The following MACROD1 variants were observed in gnomAD, a reference collection of about 807,000 sequenced individuals.
MACROD1 encodes the protein mono-ADP ribosylhydrolase 1.
Under a neutral mutation model 41.4 loss-of-function variants are expected in MACROD1, and 31 were observed. The observed-to-expected ratio is 0.75, with a 90% confidence interval of 0.56 to 1.01. The LOEUF is 1.01. Among genes scored for constraint, MACROD1 ranks in the 50% least tolerant of loss-of-function variants. MACROD1 has a pLI of 0.00. For missense variants in MACROD1, 473 were observed against 460.0 expected (o/e 1.03, Z -0.26); for synonymous variants, 252 against 203.4 (o/e 1.24, Z -2.03).
intron 3 of MACROD1, among the ~76,000 whole-genome samples, chr11:64,111,465 G>A (rs944529345): frequency 6.6e-6 from 1 of 152,212 alleles, no homozygotes; most frequent in African/African-American, 2.4e-5. Context: ...GTGGCTTGAG[G>A]CAGGACCTCC....
At chr11:64,023,727 C>T (rs900219572) in intron 3 of MACROD1, among the ~76,000 whole-genome samples, 1 of 152,158 alleles carries the variant, frequency 6.6e-6, no homozygotes, top group Non-Finnish European at 1.5e-5. Context: ...TCCCCTGTAC[C>T]TCAGAGCGGC....
intron 3 of MACROD1, among the ~76,000 whole-genome samples, chr11:64,115,023 C>T (rs35927325): frequency 0.11 from 17,023 of 152,148 alleles, 1,524 homozygotes; most frequent in East Asian, 0.48. Flanking sequence ...TCCCTGCTGG[C>T]TCAGTGAGCA....
chr11:64,068,516 T>C (rs1944046659), intron 3 of MACROD1, among the ~76,000 whole-genome samples: 1 of 152,222 alleles, frequency 6.6e-6, no homozygotes. Flanking sequence ...AGGATAACGA[T>C]GGTTGTCTCC....
In MACROD1 at chr11:64,151,345, C is replaced by T; in HGVS notation, c.411G>A (p.Val137=). Residue 137 remains valine, a synonymous_variant, in exon 3 of 11, where the codon GTG becomes GTA. Coordinates refer to ENST00000255681, the MANE Select transcript of MACROD1 (RefSeq NM_014067.4). ...TWKEMAKGVA[V]KVEEPRYKKD... is the part of the protein sequence containing the mutation. ...TTTTATACCTGGGCTCCTCCACCTTCACAGCCACCCCTGGAACAAGTAGGG... is the reference window on the plus strand; with the variant it reads ...TTTTATACCTGGGCTCCTCCACCTTTACAGCCACCCCTGGAACAAGTAGGG... 1.2e-6 allele frequency: 2 copies of T among 1,613,154 alleles called. No individual in the cohort carries two copies. The highest frequency in any genetic ancestry group is 1.1e-5 in the South Asian group (1 of 91,080).
Position 64,069,217 on chromosome 11 carries a change from G to A in MACROD1, c.518-53936C>T, listed in dbSNP as rs548669752. Among the ~76,000 whole-genome samples the A allele has an allele frequency of 3.9e-5, 6 of 152,346 alleles. No individual in the cohort carries two copies. In the South Asian group the frequency reaches 6.2e-4, roughly 16 times the overall value. On this transcript the variant is annotated intron_variant, in intron 3 of 10. Coordinates refer to ENST00000255681, the MANE Select transcript of MACROD1 (RefSeq NM_014067.4). ...GGCCACTGCGCGCGGCCGGGGGCCC[G>A]AGGTGGGCGCCTTCACCTGGATCCG...
Position 64,123,243 on chromosome 11 carries a change from T to C in MACROD1, c.517+27996A>G, listed in dbSNP as rs998818923. Among the ~76,000 whole-genome samples the C allele has an allele frequency of 3.9e-5, 6 of 152,206 alleles. No homozygotes were observed. The South Asian group carries it at 1.2e-3, about 32-fold the overall frequency. ...CCTCCTCATACTCGATTGGCACAGG[T>C]GACGGTGGCTGCTGCCTGCCCCTGG... On this transcript the variant is annotated intron_variant, in intron 3 of 10. Transcript: ENST00000255681.
At chr11:64,015,220 C>G in intron 4 of MACROD1, 32 bp downstream of exon 4, 2 of 1,574,636 alleles carry the variant, frequency 1.3e-6, no homozygotes, top group Non-Finnish European at 1.7e-6. Context: ...GATGCCACAC[C>G]CCACCCCCAC....
intron 3 of MACROD1, among the ~76,000 whole-genome samples, chr11:64,128,144 G>C (rs961160775): frequency 1.3e-5 from 2 of 151,952 alleles, no homozygotes; most frequent in African/African-American, 4.8e-5. Flanking sequence ...TGTCCTGCCA[G>C]GGCAGGAGCA....
At chr11:64,031,036 A>G (rs1342522596) in intron 3 of MACROD1, among the ~76,000 whole-genome samples, 4 of 152,022 alleles carry the variant, frequency 2.6e-5, no homozygotes, top group Non-Finnish European at 5.9e-5. Context: ...CCCTTGTTTC[A>G]AGGCCTGGGG....
At chr11:64,029,047 C>A (rs1943260412) in intron 3 of MACROD1, among the ~76,000 whole-genome samples, 1 of 152,216 alleles carries the variant, frequency 6.6e-6, no homozygotes, top group South Asian at 2.1e-4. Flanking sequence ...ACTCTCCCAT[C>A]CCCACCTCCC....
intron 3 of MACROD1, among the ~76,000 whole-genome samples, chr11:64,069,893 G>A (rs761002220): frequency 2.0e-5 from 3 of 152,264 alleles, no homozygotes; most frequent in East Asian, 1.9e-4. Context: ...TATCTTGGGC[G>A]CCCCTCCCAG....
intron 3 of MACROD1, among the ~76,000 whole-genome samples, chr11:64,132,681 C>A (rs1396723105): frequency 6.6e-6 from 1 of 152,170 alleles, no homozygotes; most frequent in Non-Finnish European, 1.5e-5. Flanking sequence ...GGCTGTGTGC[C>A]CGGGTCTCCT....
Position 64,096,997 on chromosome 11 carries a change from G to T in MACROD1, c.517+54242C>A, listed in dbSNP as rs146445673. 6.6e-6 allele frequency among the ~76,000 whole-genome samples: 1 copy of T among 152,340 alleles called. No individual in the cohort carries two copies. The highest frequency in any genetic ancestry group is 2.4e-5 in the African/African-American group (1 of 41,570). Reference sequence around the variant, plus strand: ...TTCCTGCCTACCCTTGCTGGGAGGAGATTGCAAAGGCACAAGAGCACTCCA... The same window carrying T: ...TTCCTGCCTACCCTTGCTGGGAGGATATTGCAAAGGCACAAGAGCACTCCA... On this transcript the variant is annotated intron_variant, in intron 3 of 10. Coordinates refer to ENST00000255681, the MANE Select transcript of MACROD1 (RefSeq NM_014067.4). This position sits in a 1 kb window ranked among gnomAD's most constrained non-coding sequence, Gnocchi z 4.6.
intron 3 of MACROD1, chr11:64,116,250 C>T (rs372090655): frequency 2.5e-5 from 39 of 1,584,468 alleles, no homozygotes; most frequent in Middle Eastern, 1.7e-4. Flanking sequence ...TGGGGCCGGA[C>T]GCCCCCAGCC....
At chr11:64,094,665 C>A (rs1289946036) in intron 3 of MACROD1, among the ~76,000 whole-genome samples, 1 of 152,204 alleles carries the variant, frequency 6.6e-6, no homozygotes, top group African/African-American at 2.4e-5. Context: ...GTGGCTGCTG[C>A]GGGCGGGACC....
chr11:64,013,043 T>C (rs761444625), intron 4 of MACROD1, among the ~76,000 whole-genome samples: 15 of 152,074 alleles, frequency 9.9e-5, no homozygotes, highest in Non-Finnish European at 1.9e-4. Context: ...TTCCCCAGGC[T>C]GGTCTCAAAT....
At chr11:64,154,317 C>T (rs759207119) in intron 1 of MACROD1, among the ~76,000 whole-genome samples, 2 of 152,034 alleles carry the variant, frequency 1.3e-5, no homozygotes, top group African/African-American at 2.4e-5. Flanking sequence ...CTTTTTTACT[C>T]GAGACCCTGC....
intron 3 of MACROD1, among the ~76,000 whole-genome samples, chr11:64,030,227 A>G (rs1943276428): frequency 6.7e-6 from 1 of 149,096 alleles, no homozygotes; most frequent in Admixed American, 6.7e-5. Context: ...CTGGATGTGC[A>G]TCTGGCCCCC....
chr11:64,059,824 CGA>C (rs1943862747), intron 3 of MACROD1, among the ~76,000 whole-genome samples: 1 of 152,204 alleles, frequency 6.6e-6, no homozygotes, highest in Non-Finnish European at 1.5e-5. Context: ...GTCCTGACCC[CGA>C]GAGGCCCGCC....
Sources: allele counts gnomAD v4.1 joint callset (sites outside exome capture counted in the v4.1 genomes callset), GRCh38; gene constraint gnomAD v4.1.1; non-coding constraint Gnocchi (gnomAD v3.1); transcripts MANE v1.5; gene names NCBI Gene and HGNC (gene_info 2026-07-23, HGNC 2026-07-21).